KCNH1: variants seen among roughly 807,000 people sequenced by gnomAD.
KCNH1 encodes voltage-gated delayed rectifier potassium channel KCNH1.
In KCNH1, 27 loss-of-function variants were observed where a neutral mutation model predicts 69.2. That is an observed-to-expected ratio of 0.39 (90% CI 0.29 to 0.54). KCNH1 has a LOEUF of 0.54. KCNH1 is among the 20% of genes least tolerant of loss of function. The pLI, the probability that KCNH1 is intolerant of heterozygous loss-of-function variation, is 0.68. For missense variants in KCNH1, 798 were observed against 1,261.6 expected (o/e 0.63, Z 5.57); for synonymous variants, 456 against 487.7 (o/e 0.93, Z 0.86).
intron 6 of KCNH1, among the ~76,000 whole-genome samples, chr1:211,006,949 T>C (rs1689297623): frequency 6.6e-6 from 1 of 152,036 alleles, no homozygotes; most frequent in Admixed American, 6.6e-5. Context: ...ATATATATGC[T>C]TTATATATGA....
At chr1:210,717,572 C>T (rs1682291402) in intron 10 of KCNH1, among the ~76,000 whole-genome samples, 1 of 152,182 alleles carries the variant, frequency 6.6e-6, no homozygotes, top group South Asian at 2.1e-4. Flanking sequence ...ACTCCTTGCA[C>T]AGTTCATCAG....
At chr1:210,851,162 T>C (rs899171008) in intron 7 of KCNH1, among the ~76,000 whole-genome samples, 4 of 152,216 alleles carry the variant, frequency 2.6e-5, no homozygotes, top group African/African-American at 9.6e-5. Flanking sequence ...TTCTCTCTGG[T>C]CACAGCACTG....
chr1:210,862,541 C>T (rs1686002050), intron 7 of KCNH1, among the ~76,000 whole-genome samples: 1 of 152,132 alleles, frequency 6.6e-6, no homozygotes, highest in African/African-American at 2.4e-5. Context: ...ACTATGTTGC[C>T]CAGGCTGGTC....
chr1:210,947,340 C>A (rs1357032015), intron 6 of KCNH1, among the ~76,000 whole-genome samples: 1 of 151,794 alleles, frequency 6.6e-6, no homozygotes, highest in Non-Finnish European at 1.5e-5. Context: ...GAGGCCGAGG[C>A]GGGCGGATCA....
chr1:210,705,395 A>G (rs1235885960), intron 10 of KCNH1, among the ~76,000 whole-genome samples: 1 of 152,206 alleles, frequency 6.6e-6, no homozygotes, highest in African/African-American at 2.4e-5. Flanking sequence ...GGTCAGACAG[A>G]GAAAACTAAC....
chr1:211,002,336 GTGTA>G (rs1248428184), intron 6 of KCNH1, among the ~76,000 whole-genome samples: 35 of 141,400 alleles, frequency 2.5e-4, no homozygotes, highest in South Asian at 6.9e-4. Context: ...ATGTGTGTGT[GTGTA>G]TATATATATA....
At chr1:211,126,482 C>G (rs563766256) in intron 1 of KCNH1, among the ~76,000 whole-genome samples, 1 of 150,758 alleles carries the variant, frequency 6.6e-6, no homozygotes, top group South Asian at 2.1e-4. Context: ...TGCATTCCAG[C>G]CTGGGTGACA....
chr1:210,717,967 C>G (rs980772546), intron 10 of KCNH1, among the ~76,000 whole-genome samples: 1 of 151,794 alleles, frequency 6.6e-6, no homozygotes, highest in Non-Finnish European at 1.5e-5. Context: ...GTTAGCCAGG[C>G]GTGGTGGTGT....
chr1:211,107,985 G>A (rs1311725684), intron 1 of KCNH1, among the ~76,000 whole-genome samples: 1 of 152,174 alleles, frequency 6.6e-6, no homozygotes, highest in Non-Finnish European at 1.5e-5. Flanking sequence ...TGATCAAGAT[G>A]CTCACACAAC....
At chr1:210,881,983 T>C (rs1686503859) in intron 7 of KCNH1, among the ~76,000 whole-genome samples, 1 of 152,130 alleles carries the variant, frequency 6.6e-6, no homozygotes, top group African/African-American at 2.4e-5. Context: ...ACCAAACCCA[T>C]AGAAGGTACA....
chr1:210,873,863 GA>G (rs1686306914), intron 7 of KCNH1, among the ~76,000 whole-genome samples: 1 of 152,238 alleles, frequency 6.6e-6, no homozygotes, highest in Admixed American at 6.5e-5. Context: ...AGATAGTAGT[GA>G]AAAAATAGAT....
In KCNH1 at chr1:210,681,658, C is replaced by CTT. The variant is rs1681269429; in HGVS notation, c.*1622_*1623insAA. 1 of 152,486 alleles carries CTT rather than the reference C, an allele frequency of 6.6e-6. No homozygotes were observed. The highest frequency in any genetic ancestry group is 2.1e-4 in the South Asian group (1 of 4,836). 9.4% of individuals were successfully genotyped at this position (152,486 alleles called of 1,614,324 possible). A position where few individuals can be genotyped will look rare whatever the true frequency, so the allele number is the denominator to read the frequency against. On this transcript the variant is annotated 3_prime_UTR_variant, in exon 11 of 11. Coordinates refer to ENST00000271751, the MANE Select transcript of KCNH1 (RefSeq NM_172362.3). ...CTCAGACCGGAGGCTCTCAGAAACACTGAATATCTTTGGTAGGGCAGAGGT... is the reference window on the plus strand; with the variant it reads ...CTCAGACCGGAGGCTCTCAGAAACACTTTGAATATCTTTGGTAGGGCAGAGGT...
In KCNH1 at chr1:211,016,562, A is replaced by AAT. The variant is rs1558569012; in HGVS notation, c.1032+2220_1032+2221insAT. ...AAAATGATATTTTCCTAAGAAAAAA[A>AAT]TTTCTAAAAATGTGCTCACAGAGAA... On this transcript the variant is annotated intron_variant, in intron 6 of 10. Coordinates refer to ENST00000271751, the MANE Select transcript of KCNH1 (RefSeq NM_172362.3). Among the ~76,000 whole-genome samples the AAT allele has an allele frequency of 2.6e-4, 40 of 151,956 alleles. 1 individual carries two copies. The highest frequency in any genetic ancestry group is 4.1e-4 in the South Asian group (2 of 4,826).
intron 6 of KCNH1, among the ~76,000 whole-genome samples, chr1:210,940,091 A>T (rs1319281876): frequency 6.6e-6 from 1 of 152,272 alleles, no homozygotes; most frequent in East Asian, 1.9e-4. Context: ...AATGGAATAA[A>T]TTGGCTTATC....
rs115968733 is a variant in KCNH1 at position 210,958,992 on chromosome 1, C to T, written c.1033-38923G>A. Among the ~76,000 whole-genome samples the T allele has an allele frequency of 7.7e-3, 1,172 of 152,270 alleles. 20 individuals carry two copies. The highest frequency in any genetic ancestry group is 0.027 in the African/African-American group (1,111 of 41,560). Reference sequence around the variant, plus strand: ...GCGATCCTTTGGAGGAGAAAATGTGCTCTGGTTTTTAGAATTTTCAGCTTT... The same window carrying T: ...GCGATCCTTTGGAGGAGAAAATGTGTTCTGGTTTTTAGAATTTTCAGCTTT... On this transcript the variant is annotated intron_variant, in intron 6 of 10. Coordinates refer to ENST00000271751, the MANE Select transcript of KCNH1 (RefSeq NM_172362.3).
intron 7 of KCNH1, among the ~76,000 whole-genome samples, chr1:210,846,530 T>G (rs536233440): frequency 8.7e-4 from 133 of 152,252 alleles, no homozygotes; most frequent in African/African-American, 3.2e-3. Context: ...TAGCCATATG[T>G]AGAAAGCTGA....
At chr1:210,894,897 G>T (rs1455773524) in intron 7 of KCNH1, among the ~76,000 whole-genome samples, 1 of 152,100 alleles carries the variant, frequency 6.6e-6, no homozygotes, top group Non-Finnish European at 1.5e-5. Context: ...TTTAGTAGCA[G>T]AAAACAGGCC....
At chr1:210,966,647 T>C (rs946605555) in intron 6 of KCNH1, among the ~76,000 whole-genome samples, 1 of 152,104 alleles carries the variant, frequency 6.6e-6, no homozygotes, top group African/African-American at 2.4e-5. Context: ...ATCAGACAAA[T>C]GCAAATCAAA....
intron 3 of KCNH1, among the ~76,000 whole-genome samples, chr1:211,096,230 AT>A (rs1344197804): frequency 6.6e-6 from 1 of 151,924 alleles, no homozygotes; most frequent in African/African-American, 2.4e-5. Context: ...CACCCGGCTA[AT>A]TTTTGTATTT....
Sources: allele counts gnomAD v4.1 joint callset (sites outside exome capture counted in the v4.1 genomes callset), GRCh38; gene constraint gnomAD v4.1.1; transcripts MANE v1.5; gene names NCBI Gene and HGNC (gene_info 2026-07-23, HGNC 2026-07-21).